Variants in DIAPH3 observed in about 807,000 individuals in gnomAD.
DIAPH3 encodes the protein protein diaphanous homolog 3.
A neutral mutation model predicts 144.3 loss-of-function variants in DIAPH3; 117 were observed. The observed-to-expected ratio is 0.81, with a 90% confidence interval of 0.70 to 0.95. The LOEUF is 0.95. Ranked by LOEUF, DIAPH3 falls within the 40% of genes least tolerant of loss-of-function variation. DIAPH3 has a pLI of 0.00. For synonymous variants in DIAPH3, 519 were observed against 488.9 expected, an observed-to-expected ratio of 1.06 and a Z score of -0.81; for missense variants, 1,421 against 1,412.7, an observed-to-expected ratio of 1.01 and a Z score of -0.09.
intron 5 of DIAPH3, among the ~76,000 whole-genome samples, chr13:60,042,144 T>C (rs1213009423): frequency 1.3e-5 from 2 of 152,132 alleles, no homozygotes; most frequent in Non-Finnish European, 2.9e-5. Flanking sequence ...GAAACACCTA[T>C]GGTATTGTTT....
chr13:60,057,056 C>T (rs1393615969), intron 4 of DIAPH3, among the ~76,000 whole-genome samples: 2 of 151,812 alleles, frequency 1.3e-5, no homozygotes, highest in African/African-American at 4.8e-5. Context: ...AAGTCCTAGC[C>T]AGAGCAATCA....
At chr13:60,016,745 AAAAC>A (rs901444337) in intron 5 of DIAPH3, among the ~76,000 whole-genome samples, 24 of 152,308 alleles carry the variant, frequency 1.6e-4, no homozygotes, top group Admixed American at 3.9e-4. Flanking sequence ...AGTTGCTTTA[AAAAC>A]AAACAAACAA....
chr13:60,099,951 G>GGAAGGAAGGAAGGAAA lies in DIAPH3; in HGVS notation c.391-6220_391-6219insTTTCCTTCCTTCCTTC, dbSNP rs1555375027. ...AGGAAGGAAGGAAGGAAGGAAGGAA[G>GGAAGGAAGGAAGGAAA]GAAGGAAGGAAGGAAGGAAGGAAAG... On this transcript the variant is annotated intron_variant, in intron 3 of 27. Transcript: ENST00000400324. Among the ~76,000 whole-genome samples the GGAAGGAAGGAAGGAAA allele has an allele frequency of 5.6e-4, 79 of 140,284 alleles. 1 individual carries two copies. Among genetic ancestry groups the GGAAGGAAGGAAGGAAA allele is most frequent in the African/African-American group, 2.5e-3 (79 of 31,742 alleles). The allele number at this position is 140,284 out of a possible 152,430, so 92.0% of individuals were successfully genotyped here.
At chr13:60,046,317 T>C (rs887139559) in intron 4 of DIAPH3, among the ~76,000 whole-genome samples, 5 of 152,136 alleles carry the variant, frequency 3.3e-5, no homozygotes, top group Admixed American at 6.6e-5. Flanking sequence ...TGTAAGGATA[T>C]AAACAGACAC....
chr13:59,978,977 G>A (rs1715560223), intron 14 of DIAPH3, among the ~76,000 whole-genome samples: 1 of 151,626 alleles, frequency 6.6e-6, no homozygotes, highest in South Asian at 2.1e-4. Context: ...TAAAGAATGT[G>A]TCTAGCAACC....
intron 4 of DIAPH3, among the ~76,000 whole-genome samples, chr13:60,056,559 C>CCTAG (rs2056568134): frequency 6.6e-6 from 1 of 151,650 alleles, no homozygotes; most frequent in Admixed American, 6.6e-5. Context: ...CATTAAAAGA[C>CCTAG]CTAGCATCCA....
chr13:59,940,795 T>A (rs1051025397), intron 17 of DIAPH3, among the ~76,000 whole-genome samples: 1 of 152,174 alleles, frequency 6.6e-6, no homozygotes, highest in South Asian at 2.1e-4. Flanking sequence ...GACTCTGGAC[T>A]CTCATTCTTG....
intron 27 of DIAPH3, among the ~76,000 whole-genome samples, chr13:59,711,226 A>G (rs1566207274): frequency 6.6e-6 from 1 of 152,176 alleles, no homozygotes; most frequent in Non-Finnish European, 1.5e-5. Flanking sequence ...TTGTTTCCTA[A>G]CAATGGAGCC....
chr13:59,995,537 T>A (rs1040183059), intron 9 of DIAPH3, among the ~76,000 whole-genome samples: 1 of 151,948 alleles, frequency 6.6e-6, no homozygotes, highest in Non-Finnish European at 1.5e-5. Context: ...TATTTATTGA[T>A]GCCTACTATA....
chr13:59,796,495 C>T (rs1209131485), intron 25 of DIAPH3, among the ~76,000 whole-genome samples: 1 of 152,182 alleles, frequency 6.6e-6, no homozygotes, highest in Non-Finnish European at 1.5e-5. Context: ...AAGACATTTT[C>T]ATTTCTGTTC....
At chr13:59,832,921 T>C in intron 24 of DIAPH3, 186 bp downstream of exon 24, 1 of 592,032 alleles carries the variant, frequency 1.7e-6, no homozygotes, top group Non-Finnish European at 3.0e-6. Flanking sequence ...CAGCTTAATG[T>C]TGGAAAGGCC....
intron 20 of DIAPH3, among the ~76,000 whole-genome samples, chr13:59,900,188 G>C (rs1394165918): frequency 1.3e-5 from 2 of 152,142 alleles, no homozygotes; most frequent in Non-Finnish European, 2.9e-5. Flanking sequence ...TTGATTAAAT[G>C]AGAGTTATTT....
At chr13:60,147,276 A>G (rs1951571950) in intron 1 of DIAPH3, 1 of 152,240 alleles carries the variant, frequency 6.6e-6, no homozygotes, top group Admixed American at 6.5e-5. Context: ...TTTGGAAAAT[A>G]TAGCCATTTT....
intron 1 of DIAPH3, among the ~76,000 whole-genome samples, chr13:60,159,359 CTCACGCCTGTAA>C (rs1566836826): frequency 2.0e-5 from 3 of 152,196 alleles, no homozygotes; most frequent in Non-Finnish European, 4.4e-5. Flanking sequence ...GGTGCGATGG[CTCACGCCTGTAA>C]TCCCAGCACT....
At chr13:59,760,537 C>T (rs2037524471) in intron 27 of DIAPH3, among the ~76,000 whole-genome samples, 1 of 152,290 alleles carries the variant, frequency 6.6e-6, no homozygotes. Flanking sequence ...ATCCTAAACC[C>T]TAACGGTATT....
chr13:59,691,652 T>C (rs1254947807), intron 27 of DIAPH3, among the ~76,000 whole-genome samples: 2 of 152,122 alleles, frequency 1.3e-5, no homozygotes, highest in Middle Eastern at 3.2e-3. Context: ...AGTTAAAGCA[T>C]GTAGAACGAA....
intron 18 of DIAPH3, among the ~76,000 whole-genome samples, chr13:59,920,904 C>A (rs1008078202): frequency 1.3e-5 from 2 of 151,570 alleles, no homozygotes; most frequent in Admixed American, 1.3e-4. Context: ...TTTCTGACCA[C>A]AATGGAATAA....
At chr13:60,136,896 T>C (rs370914700) in intron 1 of DIAPH3, among the ~76,000 whole-genome samples, 174 of 151,872 alleles carry the variant, frequency 1.1e-3, no homozygotes, top group African/African-American at 3.1e-3. Context: ...GCCGAGATTG[T>C]GCCACTGCAC....
At chr13:60,140,906 C>T (rs1594766931) in intron 1 of DIAPH3, among the ~76,000 whole-genome samples, 1 of 152,044 alleles carries the variant, frequency 6.6e-6, no homozygotes, top group East Asian at 1.9e-4. Flanking sequence ...ATATATTAAG[C>T]ACATTATTCG....
Sources: allele counts gnomAD v4.1 joint callset (sites outside exome capture counted in the v4.1 genomes callset), GRCh38; gene constraint gnomAD v4.1.1; transcripts MANE v1.5; gene names NCBI Gene and HGNC (gene_info 2026-07-23, HGNC 2026-07-21).